Variants in MYOZ1 observed in about 807,000 individuals in gnomAD.
The protein encoded by MYOZ1 is myozenin 1.
Under a neutral mutation model 28.7 loss-of-function variants are expected in MYOZ1, and 20 were observed. The ratio of observed to expected loss-of-function variants is 0.70; its 90% CI spans 0.49 to 1.01. The LOEUF (loss-of-function observed/expected upper bound fraction) is 1.01. Among genes scored for constraint, MYOZ1 ranks in the 50% least tolerant of loss-of-function variants. The pLI, the probability that MYOZ1 is intolerant of heterozygous loss-of-function variation, is 0.00. For missense variants in MYOZ1, 371 were observed against 372.4 expected, an observed-to-expected ratio of 1.00 and a Z score of 0.03; for synonymous variants, 144 against 145.8, an observed-to-expected ratio of 0.99 and a Z score of 0.09.
At position 73,631,967 on chromosome 10, in the gene MYOZ1, A is replaced by G. The variant is rs1331444520; in HGVS notation, c.863T>C (p.Ile288Thr). Residue 288 changes from isoleucine to threonine, a missense_variant, in exon 6 of 6, where the codon ATT (isoleucine) becomes ACT (threonine). Transcript: ENST00000359322. ...SGEPVDYNVD[I>T]GIPLDGETEE... The stretch of plus-strand genomic sequence containing the variant: ...TGTTTCTCCATCCAAGGGGATGCCA[A>G]TATCCACGTTGTAGTCTACAGGCTC... 1 of 1,614,074 alleles carries G rather than the reference A, an allele frequency of 6.2e-7. No individual in the cohort carries two copies. The highest frequency in any genetic ancestry group is 8.5e-7 in the Non-Finnish European group (1 of 1,179,978).
rs775289615 is a variant in MYOZ1 at position 73,631,919 on chromosome 10, G to A, written c.*11C>T. The A allele has an allele frequency of 6.2e-6, 10 of 1,610,284 alleles. 1 individual carries two copies. Among genetic ancestry groups the A allele is most frequent in the Non-Finnish European group, 5.1e-6 (6 of 1,176,888 alleles). ...AGAGGGGAAATGATGCAAATCAGAG[G>A]AGGAAACACCTCACAGCTCCTCTGT... On this transcript the variant is annotated 3_prime_UTR_variant, in exon 6 of 6. Coordinates refer to ENST00000359322, the MANE Select transcript of MYOZ1 (RefSeq NM_021245.4).
Position 73,634,667 on chromosome 10 carries a change from A to G in MYOZ1, c.319T>C (p.Tyr107His). Residue 107 changes from tyrosine (Y) to histidine (H), a missense_variant, in exon 4 of 6, where the codon TAC becomes CAC. By Grantham distance (83) the Tyr-to-His change is moderately conservative. Coordinates refer to ENST00000359322, the MANE Select transcript of MYOZ1 (RefSeq NM_021245.4). ...QLGTAGQGFS[Y>H]SKSNGRGGSQ... is the part of the protein sequence containing the mutation. ...CCGCCTCTGCCGTTGCTCTTGCTGT[A>G]TGAGAATCCCTGACCAGCTGTGCCC... is the stretch of plus-strand genomic sequence containing the variant. The G allele has an allele frequency of 6.2e-7, 1 of 1,614,208 alleles. No individual in the cohort carries two copies. The highest frequency in any genetic ancestry group is 8.5e-7 in the Non-Finnish European group (1 of 1,180,034).
rs1448099439 is a variant in MYOZ1, at chr10:73,634,756, G to A, written c.253-23C>T. On this transcript the variant is annotated intron_variant, in intron 3 of 5. Transcript: ENST00000359322. ...ATCCTGAAAAGAAGACAAAGTGAGG[G>A]GAAGGTTAGCAATGGGTATGGAAAA... is the stretch of plus-strand genomic sequence containing the variant. 6 of 1,605,962 alleles carry A rather than the reference G, an allele frequency of 3.7e-6. No individual in the cohort carries two copies. In the East Asian group the frequency reaches 9.0e-5, roughly 24 times the overall value.
chr10:73,633,836 A>G (rs573062641), intron 5 of MYOZ1, 64 bp downstream of exon 5: 1 of 1,503,372 alleles, frequency 6.7e-7, no homozygotes, highest in African/African-American at 1.4e-5. Flanking sequence ...ATTAGTCTCC[A>G]TCCTAACTAA....
At position 73,637,010 on chromosome 10, in the gene MYOZ1, C is replaced by CTTTTTTT. The variant is rs200349316; in HGVS notation, c.252+733_252+734insAAAAAAA. The stretch of plus-strand genomic sequence containing the variant: ...TTATCTTCTTCCTTTTTTCTTTTTT[C>CTTTTTTT]TTTCTTTTTTTTTTTTTTTTGAGAC... On this transcript the variant is annotated intron_variant, in intron 3 of 5. Transcript: ENST00000359322. 2.6e-4 allele frequency among the ~76,000 whole-genome samples: 36 copies of CTTTTTTT among 137,482 alleles called. 1 individual carries two copies. The highest frequency in any genetic ancestry group is 5.8e-4 in the African/African-American group (20 of 34,286). The allele number at this position is 137,482 out of a possible 152,430, so 90.2% of individuals were successfully genotyped here. A position where few individuals can be genotyped will look rare whatever the true frequency, so the allele number is the denominator to read the frequency against.
In MYOZ1 at chr10:73,634,018, A is replaced by G. The variant is rs1221978756; in HGVS notation, c.550T>C (p.Tyr184His). Residue 184 changes from tyrosine (Y) to histidine (H), a missense_variant, in exon 5 of 6, where the codon TAT becomes CAT. Transcript: ENST00000359322. ...ATGGCTCGCTCCCATGGGGAAATAT[A>G]GGTCTTGAACACAGTGATATGTTTT... Reference protein sequence around the residue: ...EGKHITVFKTYISPWERAMGV... With the variant: ...EGKHITVFKTHISPWERAMGV... 7 of 1,613,946 alleles carry G rather than the reference A, an allele frequency of 4.3e-6. No homozygotes were observed. The highest frequency in any genetic ancestry group is 5.9e-6 in the Non-Finnish European group (7 of 1,179,974).
intron 3 of MYOZ1, among the ~76,000 whole-genome samples, chr10:73,636,188 C>T (rs2081666352): frequency 6.6e-6 from 1 of 152,180 alleles, no homozygotes; most frequent in South Asian, 2.1e-4. Flanking sequence ...ATGGAGAAGG[C>T]CCTTCTTCCT....
intron 3 of MYOZ1, 86 bp downstream of exon 3, chr10:73,637,658 G>T: frequency 1.6e-6 from 2 of 1,289,068 alleles, no homozygotes; most frequent in Non-Finnish European, 2.1e-6. Context: ...AGGGGATGTT[G>T]ACTGCATTTT....
intron 3 of MYOZ1, among the ~76,000 whole-genome samples, chr10:73,636,467 T>A (rs541402009): frequency 2.2e-3 from 329 of 152,242 alleles, no homozygotes; most frequent in South Asian, 4.6e-3. Flanking sequence ...TTTTATTTTT[T>A]TTTTTTAGAT....
chr10:73,635,633 C>T (rs959248557), intron 3 of MYOZ1, among the ~76,000 whole-genome samples: 3 of 152,102 alleles, frequency 2.0e-5, no homozygotes, highest in Middle Eastern at 3.2e-3. Context: ...ATCCATCTGC[C>T]TCAGCCTCCC....
chr10:73,635,358 A>T (rs2081661813), intron 3 of MYOZ1, among the ~76,000 whole-genome samples: 1 of 151,588 alleles, frequency 6.6e-6, no homozygotes, highest in Non-Finnish European at 1.5e-5. Flanking sequence ...ACGCCTGCCC[A>T]GCTTTAAAAA....
At chr10:73,632,569 A>G (rs2081641094) in intron 5 of MYOZ1, among the ~76,000 whole-genome samples, 1 of 151,670 alleles carries the variant, frequency 6.6e-6, no homozygotes, top group Admixed American at 6.6e-5. Flanking sequence ...GTTTGAGACT[A>G]GCCTGGTCAA....
intron 3 of MYOZ1, among the ~76,000 whole-genome samples, chr10:73,637,010 C>CTTTTTTTTTTTTTTTTTTTTTTTATTTT (rs200349316): frequency 7.3e-6 from 1 of 137,522 alleles, no homozygotes. Context: ...TTTCTTTTTT[C>CTTTTTTTTTTTTTTTTTTTTTTTATTTT]TTTCTTTTTT....
At chr10:73,634,957 C>T (rs3781217) in intron 3 of MYOZ1, among the ~76,000 whole-genome samples, 33,314 of 151,958 alleles carry the variant, frequency 0.22, 5,429 homozygotes, top group African/African-American at 0.45. Context: ...AGAGTTTCGC[C>T]CTTGTTGCCC....
intron 2 of MYOZ1, among the ~76,000 whole-genome samples, chr10:73,639,087 A>G (rs1436079050): frequency 2.0e-5 from 3 of 150,322 alleles, no homozygotes; most frequent in South Asian, 4.2e-4. Context: ...GATTACAGGT[A>G]TGAGACACAG....
chr10:73,636,257 C>T (rs1044230848), intron 3 of MYOZ1, among the ~76,000 whole-genome samples: 2 of 152,076 alleles, frequency 1.3e-5, no homozygotes, highest in Non-Finnish European at 2.9e-5. Flanking sequence ...GGAGAAGGAG[C>T]CTGACTAGAA....
chr10:73,633,035 G>A (rs984862297), intron 5 of MYOZ1, among the ~76,000 whole-genome samples: 1 of 151,740 alleles, frequency 6.6e-6, no homozygotes, highest in African/African-American at 2.4e-5. Flanking sequence ...GGTGGCTCAC[G>A]CCTGTAATCC....
intron 3 of MYOZ1, among the ~76,000 whole-genome samples, chr10:73,636,126 T>A (rs971515710): frequency 7.9e-5 from 12 of 152,188 alleles, no homozygotes. Flanking sequence ...TGCAGGCATC[T>A]ATTTCCACTC....
intron 2 of MYOZ1, among the ~76,000 whole-genome samples, chr10:73,639,422 C>T (rs989643192): frequency 2.0e-5 from 3 of 152,202 alleles, no homozygotes; most frequent in African/African-American, 7.2e-5. Flanking sequence ...GCACCTGGCC[C>T]AGACTTCTGT....
Sources: gnomAD v4.1 joint callset for allele counts (sites outside exome capture counted in the v4.1 genomes callset) on GRCh38, gnomAD v4.1.1 for gene constraint, MANE v1.5 for transcripts, NCBI Gene and HGNC (gene_info 2026-07-23, HGNC 2026-07-21) for gene names.